BRWD1: variants seen among roughly 807,000 people sequenced by gnomAD.
The protein encoded by BRWD1 is bromodomain and WD repeat-containing protein 1.
A neutral mutation model predicts 251.2 loss-of-function variants in BRWD1; 82 were observed. That is an observed-to-expected ratio of 0.33 (90% CI 0.27 to 0.39). The LOEUF (loss-of-function observed/expected upper bound fraction) is 0.39. Among genes scored for constraint, BRWD1 ranks in the 10% least tolerant of loss-of-function variants. BRWD1 has a pLI of 1.00. For synonymous variants in BRWD1, 918 were observed against 902.8 expected, an observed-to-expected ratio of 1.02 and a Z score of -0.30; for missense variants, 2,233 against 2,711.6, an observed-to-expected ratio of 0.82 and a Z score of 3.92.
At position 39,189,096 on chromosome 21, in the gene BRWD1, C is replaced by T; in HGVS notation, c.*7163G>A. 1 of 983,844 alleles carries T rather than the reference C, an allele frequency of 1.0e-6. No individual in the cohort carries two copies. The highest frequency in any genetic ancestry group is 1.7e-5 in the African/African-American group (1 of 57,306). 60.9% of individuals were successfully genotyped at this position (983,844 alleles called of 1,614,324 possible). On this transcript the variant is annotated 3_prime_UTR_variant, in exon 41 of 41. Coordinates refer to ENST00000342449, the MANE Select transcript of BRWD1 (RefSeq NM_033656.4). ...CCCTATATCCAAAATGAATCTTTAA[C>T]ACATTAAATCAATGTTAGCAAATGC...
At chr21:39,256,783 G>A (rs2034575921) in intron 18 of BRWD1, among the ~76,000 whole-genome samples, 1 of 152,196 alleles carries the variant, frequency 6.6e-6, no homozygotes, top group Admixed American at 6.5e-5. Context: ...GATTCTTGTG[G>A]GAGGCTATGG....
At chr21:39,268,575 GA>G (rs1396236658) in intron 15 of BRWD1, among the ~76,000 whole-genome samples, 1 of 151,858 alleles carries the variant, frequency 6.6e-6, no homozygotes, top group African/African-American at 2.4e-5. Context: ...ATCTAATCAT[GA>G]AAAAATATCA....
intron 4 of BRWD1, among the ~76,000 whole-genome samples, chr21:39,300,579 T>C (rs1318260992): frequency 2.0e-5 from 3 of 152,194 alleles, no homozygotes; most frequent in Admixed American, 6.5e-5. Flanking sequence ...ACAAATTAGA[T>C]TGACCCTGTC....
At chr21:39,226,581 G>A (rs1378179972) in intron 27 of BRWD1, among the ~76,000 whole-genome samples, 1 of 152,126 alleles carries the variant, frequency 6.6e-6, no homozygotes, top group East Asian at 1.9e-4. Flanking sequence ...TAGCTGGGAA[G>A]CTTTAAAGTT....
chr21:39,306,465 A>G (rs2036292566), intron 4 of BRWD1, among the ~76,000 whole-genome samples: 1 of 152,180 alleles, frequency 6.6e-6, no homozygotes. Flanking sequence ...ACAGAGGAGG[A>G]AGGAAATATA....
chr21:39,306,223 C>T (rs891059182), intron 4 of BRWD1, among the ~76,000 whole-genome samples: 8 of 151,904 alleles, frequency 5.3e-5, no homozygotes, highest in Admixed American at 5.3e-4. Flanking sequence ...GCGCCCGCCA[C>T]CACGTCTGGC....
Position 39,210,029 on chromosome 21 carries a change from T to C in BRWD1, c.4163A>G (p.Asn1388Ser). ...TTTGTTTGGTGTATACGCTTTTGCATTGCTAAATATCAGCCGGATGTCTTT... is the reference window on the plus strand; with the variant it reads ...TTTGTTTGGTGTATACGCTTTTGCACTGCTAAATATCAGCCGGATGTCTTT... ...FCKDIRLIFSNAKAYTPNKRS... is the reference protein window; with the variant it reads ...FCKDIRLIFSSAKAYTPNKRS... Residue 1388 changes from asparagine (N) to serine (S), a missense_variant, in exon 36 of 41, where the codon AAT becomes AGT. Around this residue, in one of 12 missense-constraint regions of BRWD1, gnomAD observed 69 missense variants for 101.6 expected, o/e 0.68. Transcript: ENST00000342449. The C allele has an allele frequency of 6.2e-7, 1 of 1,613,702 alleles. No individual in the cohort carries two copies. Among genetic ancestry groups the C allele is most frequent in the Non-Finnish European group, 8.5e-7 (1 of 1,179,784 alleles).
chr21:39,278,858 C>T (rs755629289), intron 9 of BRWD1, 45 bp from the exon 10 acceptor site: 8 of 1,366,544 alleles, frequency 5.9e-6, no homozygotes, highest in Non-Finnish European at 8.0e-6. Context: ...TATTTTACCA[C>T]ATTAACACAG....
At chr21:39,220,844 A>C (rs1568882497) in intron 29 of BRWD1, among the ~76,000 whole-genome samples, 1 of 152,150 alleles carries the variant, frequency 6.6e-6, no homozygotes, top group Non-Finnish European at 1.5e-5. Context: ...AGAAAATATA[A>C]ATATATAAGA....
At chr21:39,263,021 T>C (rs557635493) in intron 17 of BRWD1, among the ~76,000 whole-genome samples, 9 of 152,050 alleles carry the variant, frequency 5.9e-5, no homozygotes, top group African/African-American at 2.2e-4. Flanking sequence ...GAGGCTGAGG[T>C]AGGAGGATCA....
At chr21:39,217,590 T>G in intron 31 of BRWD1, 1 of 156,052 alleles carries the variant, frequency 6.4e-6, no homozygotes, top group Non-Finnish European at 1.4e-5. Context: ...TATCTGACAG[T>G]TCCCTGGGAG....
rs1174840159 is a variant in BRWD1 at position 39,210,893 on chromosome 21, A to T, written c.3937T>A (p.Tyr1313Asn). 1 of 1,611,798 alleles carries T rather than the reference A, an allele frequency of 6.2e-7. No homozygotes were observed. Among genetic ancestry groups the T allele is most frequent in the Non-Finnish European group, 8.5e-7 (1 of 1,179,382 alleles). The change falls in exon 35 of 41, where the codon TAT becomes AAT. Residue 1313 changes from tyrosine (Y) to asparagine (N), a missense_variant. Around this residue, in one of 12 missense-constraint regions of BRWD1, gnomAD observed 167 missense variants for 183.2 expected, o/e 0.91. Coordinates refer to ENST00000342449, the MANE Select transcript of BRWD1 (RefSeq NM_033656.4). The part of the protein sequence containing the change: ...DGKKSIRATN[Y>N]VESNWKKQCK... Reference sequence around the variant, plus strand: ...TGTTTCTTCCAGTTGCTTTCAACATAGTTCGTAGCTCTGATGCTTTTTTTC... The same window carrying T: ...TGTTTCTTCCAGTTGCTTTCAACATTGTTCGTAGCTCTGATGCTTTTTTTC...
intron 19 of BRWD1, among the ~76,000 whole-genome samples, chr21:39,254,091 A>AC (rs1436420949): frequency 1.3e-5 from 2 of 152,034 alleles, no homozygotes; most frequent in African/African-American, 4.8e-5. Context: ...ACATGGAGAA[A>AC]CCCCGTCTCT....
At chr21:39,233,503 C>T (rs1176094140) in intron 23 of BRWD1, among the ~76,000 whole-genome samples, 1 of 151,844 alleles carries the variant, frequency 6.6e-6, no homozygotes, top group Admixed American at 6.6e-5. Context: ...TGAAGACAGA[C>T]ATGTAAAATG....
rs2031467268 is a variant in BRWD1 at position 39,190,066 on chromosome 21, A to G, written c.*6193T>C. 1 of 985,360 alleles carries G rather than the reference A, an allele frequency of 1.0e-6. No individual in the cohort carries two copies. Among genetic ancestry groups the G allele is most frequent in the East Asian group, 1.1e-4 (1 of 8,810 alleles). 61.0% of individuals were successfully genotyped at this position (985,360 alleles called of 1,614,324 possible). On this transcript the variant is annotated 3_prime_UTR_variant, in exon 41 of 41. Transcript: ENST00000342449. ...AACTGTACATCTGTAGTAGCACTCC[A>G]TGATCATTTCCCTGGATGACCACTT...
At chr21:39,289,248 G>A (rs375328692) in intron 8 of BRWD1, among the ~76,000 whole-genome samples, 84 of 152,146 alleles carry the variant, frequency 5.5e-4, no homozygotes, top group African/African-American at 2.0e-3. Flanking sequence ...ACTTTTGGCT[G>A]TTATTCTAGA....
At position 39,206,166 on chromosome 21, in the gene BRWD1, G is replaced by T. The variant is rs759485121; in HGVS notation, c.4306C>A (p.Gln1436Lys). Residue 1436 changes from glutamine (Q) to lysine (K), a missense_variant, in exon 37 of 41, where the codon CAG becomes AAG. Gln to Lys is a moderately conservative substitution (Grantham distance 53). Coordinates refer to ENST00000342449, the MANE Select transcript of BRWD1 (RefSeq NM_033656.4). ...QKFNEKLRRS[Q>K]RFKQRQNCKG... ...CAATTTTGCCGTTGCTTGAACCTCT[G>T]GCTTCTTCGAAGTTTTTCATTGAAT... 3.1e-6 allele frequency: 5 copies of T among 1,613,564 alleles called. No homozygotes were observed. The East Asian group carries it at 8.9e-5, about 29-fold the overall frequency.
intron 8 of BRWD1, among the ~76,000 whole-genome samples, chr21:39,282,050 G>A (rs1160409934): frequency 1.3e-5 from 2 of 151,464 alleles, no homozygotes; most frequent in East Asian, 1.9e-4. Flanking sequence ...ATGTACATAT[G>A]TATATATACA....
At chr21:39,238,422 T>G in intron 22 of BRWD1, 57 bp downstream of exon 22, 1 of 1,388,644 alleles carries the variant, frequency 7.2e-7, no homozygotes, top group Non-Finnish European at 1.0e-6. Context: ...TCAAGTATGA[T>G]TCCATCCAAG....
Sources: gnomAD v4.1 joint callset for allele counts (sites outside exome capture counted in the v4.1 genomes callset) on GRCh38, gnomAD v4.1.1 for gene constraint, gnomAD v4.1.1 regional missense constraint, MANE v1.5 for transcripts, NCBI Gene and HGNC (gene_info 2026-07-23, HGNC 2026-07-21) for gene names.